Variants in SLCO5A1 observed in about 807,000 individuals in gnomAD.
SLCO5A1 encodes the protein solute carrier organic anion transporter family member 5A1.
SLCO5A1 carries 39 observed loss-of-function variants against 65.1 expected under a neutral mutation model. The observed-to-expected ratio is 0.60, with a 90% confidence interval of 0.46 to 0.78. The LOEUF (loss-of-function observed/expected upper bound fraction) is 0.78, where lower values mean the gene tolerates loss of function less well. Among genes scored for constraint, SLCO5A1 ranks in the 30% least tolerant of loss-of-function variants. The probability of loss-of-function intolerance (pLI) is 0.00; values close to 1 mark genes in which losing one functional copy is unlikely to be tolerated. For synonymous variants in SLCO5A1, 438 were observed against 415.7 expected (o/e 1.05, Z -0.65); for missense variants, 1,029 against 1,069.4 (o/e 0.96, Z 0.53).
intron 2 of SLCO5A1, among the ~76,000 whole-genome samples, chr8:69,767,241 C>G (rs149479327): frequency 6.6e-6 from 1 of 152,156 alleles, no homozygotes; most frequent in African/African-American, 2.4e-5. Context: ...TCTGAGAGCA[C>G]GCTAAATCAT....
At chr8:69,692,798 A>G (rs1447669841) in intron 6 of SLCO5A1, among the ~76,000 whole-genome samples, 2 of 152,218 alleles carry the variant, frequency 1.3e-5, no homozygotes, top group Non-Finnish European at 2.9e-5. Context: ...ATCTCCTAAG[A>G]TAACAATGCC....
At position 69,738,027 on chromosome 8, in the gene SLCO5A1, G is replaced by C; in HGVS notation, c.1423+13C>G. 1 of 1,611,068 alleles carries C rather than the reference G, an allele frequency of 6.2e-7. No individual in the cohort carries two copies. The highest frequency in any genetic ancestry group is 1.3e-5 in the African/African-American group (1 of 74,872). On this transcript the variant is annotated intron_variant, in intron 5 of 9. Coordinates refer to ENST00000260126, the MANE Select transcript of SLCO5A1 (RefSeq NM_030958.3). ...GATCATGTTTTCAAGCAGCCCTAGC[G>C]GCAGTGCCTTACCAGTGTAGATGCT...
intron 4 of SLCO5A1, among the ~76,000 whole-genome samples, chr8:69,740,184 TCCTTTCTTCTA>T (rs1816736145): frequency 6.6e-6 from 1 of 152,238 alleles, no homozygotes; most frequent in African/African-American, 2.4e-5. Flanking sequence ...GACTCTAAGT[TCCTTTCTTCTA>T]CCTTTCTCAT....
At chr8:69,750,677 G>A (rs1421044599) in intron 4 of SLCO5A1, among the ~76,000 whole-genome samples, 2 of 152,078 alleles carry the variant, frequency 1.3e-5, no homozygotes, top group Non-Finnish European at 2.9e-5. Flanking sequence ...GTCTTTCAAG[G>A]TTCATCTCAA....
chr8:69,759,426 G>C (rs1817663783), intron 3 of SLCO5A1, among the ~76,000 whole-genome samples: 1 of 152,130 alleles, frequency 6.6e-6, no homozygotes, highest in African/African-American at 2.4e-5. Flanking sequence ...AACACATACT[G>C]TACAGCAGGA....
intron 6 of SLCO5A1, among the ~76,000 whole-genome samples, chr8:69,702,491 G>A (rs1312020755): frequency 6.8e-6 from 1 of 146,208 alleles, no homozygotes; most frequent in Non-Finnish European, 1.5e-5. Context: ...CCACATACCC[G>A]GTACACACAT....
chr8:69,804,037 G>GA (rs1325498330), intron 2 of SLCO5A1, among the ~76,000 whole-genome samples: 4 of 152,088 alleles, frequency 2.6e-5, no homozygotes, highest in African/African-American at 4.8e-5. Context: ...CAGCAGCCAA[G>GA]AAAAAATCTT....
intron 2 of SLCO5A1, among the ~76,000 whole-genome samples, chr8:69,821,101 T>C (rs1820615935): frequency 6.6e-6 from 1 of 152,132 alleles, no homozygotes; most frequent in Non-Finnish European, 1.5e-5. Context: ...TAGACATATA[T>C]ACACATATAT....
intron 2 of SLCO5A1, among the ~76,000 whole-genome samples, chr8:69,801,812 T>A (rs1468769049): frequency 2.6e-5 from 4 of 152,126 alleles, no homozygotes; most frequent in Non-Finnish European, 4.4e-5. Flanking sequence ...GTGCAATCTC[T>A]CATTTTGGCT....
Position 69,754,646 on chromosome 8 carries a change from G to A in SLCO5A1, c.1258+778C>T, listed in dbSNP as rs555967698. 5.3e-5 allele frequency among the ~76,000 whole-genome samples: 8 copies of A among 152,150 alleles called. No individual in the cohort carries two copies. The East Asian group carries it at 1.5e-3, about 29-fold the overall frequency. On this transcript the variant is annotated intron_variant, in intron 4 of 9. Transcript: ENST00000260126. ...ACATTATAGGTTTCTGGAATTAAAG[G>A]GACTTATTGTCATTCAACAGATATA...
chr8:69,752,406 A>T (rs1817351458), intron 4 of SLCO5A1, among the ~76,000 whole-genome samples: 1 of 146,420 alleles, frequency 6.8e-6, no homozygotes, highest in South Asian at 2.2e-4. Context: ...TTTGTTAAAA[A>T]GTAACCTCAA....
intron 4 of SLCO5A1, among the ~76,000 whole-genome samples, chr8:69,747,876 A>G (rs180788295): frequency 6.6e-6 from 1 of 152,356 alleles, no homozygotes; most frequent in African/African-American, 2.4e-5. Flanking sequence ...TTTGGCAGAT[A>G]CAACTTTTCC....
Position 69,672,599 on chromosome 8 carries a change from T to C in SLCO5A1, c.*270A>G, listed in dbSNP as rs1047552820. On this transcript the variant is annotated 3_prime_UTR_variant, in exon 10 of 10. Transcript: ENST00000260126. ...TAACCGTGTACCTCAGCCTGTACCG[T>C]AGGGGAGCATGAGCTTTGAATTAAC... The C allele has an allele frequency of 1.7e-5, 8 of 457,494 alleles. No individual in the cohort carries two copies. Among genetic ancestry groups the C allele is most frequent in the African/African-American group, 7.8e-5 (4 of 51,348 alleles). 28.3% of individuals were successfully genotyped at this position (457,494 alleles called of 1,614,324 possible). A position where few individuals can be genotyped will look rare whatever the true frequency, so the allele number is the denominator to read the frequency against.
chr8:69,690,143 C>T (rs2130797263), intron 6 of SLCO5A1, among the ~76,000 whole-genome samples: 1 of 152,346 alleles, frequency 6.6e-6, no homozygotes, highest in Middle Eastern at 3.4e-3. Context: ...GGTCTTCTTT[C>T]CCCGCTGATT....
chr8:69,696,099 G>A (rs1814486779), intron 6 of SLCO5A1, among the ~76,000 whole-genome samples: 2 of 152,194 alleles, frequency 1.3e-5, no homozygotes, highest in South Asian at 4.1e-4. Flanking sequence ...AGCAGTGCTG[G>A]GCAAGCCCAG....
chr8:69,726,121 C>T (rs1816061866), intron 5 of SLCO5A1, among the ~76,000 whole-genome samples: 1 of 152,198 alleles, frequency 6.6e-6, no homozygotes, highest in Non-Finnish European at 1.5e-5. Context: ...AAATCCCAGA[C>T]ATACGGACTG....
In SLCO5A1 at chr8:69,711,338, G is replaced by A. The variant is rs990413822; in HGVS notation, c.1424-6109C>T. On this transcript the variant is annotated intron_variant, in intron 5 of 9. Coordinates refer to ENST00000260126, the MANE Select transcript of SLCO5A1 (RefSeq NM_030958.3). ...TCACCACTGCGCACCTCACCTCTCT[G>A]CGCCTCTGCCCCGACCCTGCCGCGT... is the stretch of plus-strand genomic sequence containing the variant. Among the ~76,000 whole-genome samples, 17 of 152,170 alleles carry A rather than the reference G, an allele frequency of 1.1e-4. No homozygotes were observed. The East Asian group carries it at 1.9e-3, about 17-fold the overall frequency.
intron 4 of SLCO5A1, among the ~76,000 whole-genome samples, chr8:69,745,820 CATCT>C (rs1816986949): frequency 6.6e-6 from 1 of 152,154 alleles, no homozygotes; most frequent in African/African-American, 2.4e-5. Flanking sequence ...GCAACCACCA[CATCT>C]ATCTAGTTTC....
At chr8:69,798,750 C>A (rs112695251) in intron 2 of SLCO5A1, among the ~76,000 whole-genome samples, 1 of 152,204 alleles carries the variant, frequency 6.6e-6, no homozygotes, top group Admixed American at 6.5e-5. Flanking sequence ...TCTTCTCAAC[C>A]TTTGAACAAT....
Sources: allele counts gnomAD v4.1 joint callset (sites outside exome capture counted in the v4.1 genomes callset), GRCh38; gene constraint gnomAD v4.1.1; transcripts MANE v1.5; gene names NCBI Gene and HGNC (gene_info 2026-07-23, HGNC 2026-07-21).